Variants in FAM227B observed in about 807,000 individuals in gnomAD.
FAM227B encodes the protein family with sequence similarity 227 member B.
FAM227B carries 88 observed loss-of-function variants against 73.8 expected under a neutral mutation model. The ratio of observed to expected loss-of-function variants is 1.19; its 90% CI spans 1.00 to 1.42. The LOEUF (loss-of-function observed/expected upper bound fraction) is 1.42. Ranked by LOEUF, FAM227B falls within the 40% of genes most tolerant of loss-of-function variation. The pLI is 0.00. For synonymous variants in FAM227B, 210 were observed against 190.5 expected, an observed-to-expected ratio of 1.10 and a Z score of -0.84; for missense variants, 632 against 590.9, an observed-to-expected ratio of 1.07 and a Z score of -0.72.
At chr15:49,350,184 T>C (rs1174621762) in intron 13 of FAM227B, among the ~76,000 whole-genome samples, 3 of 152,200 alleles carry the variant, frequency 2.0e-5, no homozygotes, top group African/African-American at 7.2e-5. Flanking sequence ...TCTGTGACAA[T>C]GGAAATGTCT....
At chr15:49,369,707 T>C (rs2045675743) in intron 12 of FAM227B, among the ~76,000 whole-genome samples, 1 of 152,138 alleles carries the variant, frequency 6.6e-6, no homozygotes, top group Non-Finnish European at 1.5e-5. Flanking sequence ...GCCTGGAAAA[T>C]TTTTCATCTT....
At chr15:49,419,475 A>T (rs1229269484) in intron 11 of FAM227B, among the ~76,000 whole-genome samples, 2 of 152,200 alleles carry the variant, frequency 1.3e-5, no homozygotes, top group Non-Finnish European at 2.9e-5. Context: ...AAATATGAAG[A>T]ACAGAAAAAA....
chr15:49,492,116 T>C (rs879427401), intron 11 of FAM227B, among the ~76,000 whole-genome samples: 3 of 151,900 alleles, frequency 2.0e-5, no homozygotes, highest in Non-Finnish European at 4.4e-5. Flanking sequence ...AAAAATAACT[T>C]ATTTAACAAA....
chr15:49,403,991 A>C (rs779507206), intron 11 of FAM227B, among the ~76,000 whole-genome samples: 1 of 152,008 alleles, frequency 6.6e-6, no homozygotes, highest in South Asian at 2.1e-4. Flanking sequence ...AGAACTTCTT[A>C]ATTTCTTCCT....
intron 11 of FAM227B, among the ~76,000 whole-genome samples, chr15:49,398,330 G>C (rs1220264174): frequency 3.4e-5 from 5 of 147,236 alleles, no homozygotes; most frequent in Non-Finnish European, 7.6e-5. Flanking sequence ...CAATACAGGA[G>C]CACCAAGATT....
At chr15:49,482,742 G>A (rs2056062688) in intron 11 of FAM227B, among the ~76,000 whole-genome samples, 1 of 152,040 alleles carries the variant, frequency 6.6e-6, no homozygotes, top group Non-Finnish European at 1.5e-5. Context: ...GGGATAACAA[G>A]ACTACCTGTC....
At chr15:49,612,781 G>C (rs2078028195) in intron 2 of FAM227B, among the ~76,000 whole-genome samples, 1 of 152,040 alleles carries the variant, frequency 6.6e-6, no homozygotes, top group African/African-American at 2.4e-5. Context: ...ACAAGTTCAT[G>C]TTTTAGAAAA....
chr15:49,545,884 T>A (rs1210840346), intron 9 of FAM227B, among the ~76,000 whole-genome samples: 1 of 151,948 alleles, frequency 6.6e-6, no homozygotes, highest in Non-Finnish European at 1.5e-5. Context: ...TTTCTTAAAT[T>A]TATTGAGACT....
chr15:49,512,396 A>C (rs907568505), intron 10 of FAM227B, among the ~76,000 whole-genome samples: 1 of 151,700 alleles, frequency 6.6e-6, no homozygotes, highest in Non-Finnish European at 1.5e-5. Context: ...CCTAGGTTTC[A>C]TTTTTTTGCT....
At chr15:49,397,604 T>A (rs1047093025) in intron 11 of FAM227B, among the ~76,000 whole-genome samples, 4 of 151,992 alleles carry the variant, frequency 2.6e-5, no homozygotes, top group Non-Finnish European at 5.9e-5. Flanking sequence ...GAGAGAAAGG[T>A]CGGGTCACCC....
At chr15:49,571,138 T>G (rs1481293034) in intron 8 of FAM227B, among the ~76,000 whole-genome samples, 1 of 151,720 alleles carries the variant, frequency 6.6e-6, no homozygotes, top group African/African-American at 2.4e-5. Context: ...TCAGTTTTTT[T>G]GTGGAAACTT....
chr15:49,587,109 AG>A (rs2076212756), intron 5 of FAM227B, among the ~76,000 whole-genome samples: 1 of 152,212 alleles, frequency 6.6e-6, no homozygotes, highest in African/African-American at 2.4e-5. Flanking sequence ...GACTGCATAA[AG>A]AAAATGTGGT....
chr15:49,460,010 C>T (rs1281829536), intron 11 of FAM227B, among the ~76,000 whole-genome samples: 3 of 152,118 alleles, frequency 2.0e-5, no homozygotes, highest in African/African-American at 7.2e-5. Flanking sequence ...CCACAGCTAT[C>T]ACTTTCTTCC....
intron 3 of FAM227B, 34 bp from the exon 4 acceptor site, chr15:49,590,041 A>C: frequency 9.2e-7 from 1 of 1,087,050 alleles, no homozygotes; most frequent in Non-Finnish European, 1.4e-6. Flanking sequence ...ATATAGCTTA[A>C]GTCATTTTTA....
At chr15:49,353,279 G>C (rs557041701) in intron 13 of FAM227B, among the ~76,000 whole-genome samples, 2 of 152,222 alleles carry the variant, frequency 1.3e-5, no homozygotes, top group South Asian at 4.1e-4. Flanking sequence ...TACTGCTGAA[G>C]AGTCCTCTTC....
At chr15:49,355,828 G>A (rs1390590532) in intron 13 of FAM227B, among the ~76,000 whole-genome samples, 1 of 152,008 alleles carries the variant, frequency 6.6e-6, no homozygotes, top group Non-Finnish European at 1.5e-5. Flanking sequence ...AAATGTTAAG[G>A]GCAGCTAGAG....
chr15:49,603,968 T>C (rs1288535036), intron 3 of FAM227B, among the ~76,000 whole-genome samples: 1 of 152,206 alleles, frequency 6.6e-6, no homozygotes, highest in Non-Finnish European at 1.5e-5. Flanking sequence ...GATTTGTGTA[T>C]GTTGAACCAT....
Position 49,335,609 on chromosome 15 carries a change from A to G in FAM227B, c.1272-113T>C, listed in dbSNP as rs1028759265. 3.2e-5 allele frequency: 21 copies of G among 666,262 alleles called. 1 individual carries two copies. The South Asian group carries it at 4.0e-4, about 13-fold the overall frequency. 41.3% of individuals were successfully genotyped at this position (666,262 alleles called of 1,614,324 possible). A position where few individuals can be genotyped will look rare whatever the true frequency, so the allele number is the denominator to read the frequency against. ...TGTGACCTTCACTTTTCAGTAATGAAGAGTCTCAAGTATAAACATGAATAT... is the reference window on the plus strand; with the variant it reads ...TGTGACCTTCACTTTTCAGTAATGAGGAGTCTCAAGTATAAACATGAATAT... On this transcript the variant is annotated intron_variant, in intron 13 of 15. Transcript: ENST00000299338.
intron 11 of FAM227B, among the ~76,000 whole-genome samples, chr15:49,420,141 A>G (rs1313032688): frequency 6.6e-6 from 1 of 152,152 alleles, no homozygotes; most frequent in Non-Finnish European, 1.5e-5. Context: ...CTTTTTTTTA[A>G]TACCTTTTGT....
Sources: allele counts gnomAD v4.1 joint callset (sites outside exome capture counted in the v4.1 genomes callset), GRCh38; gene constraint gnomAD v4.1.1; transcripts MANE v1.5; gene names NCBI Gene and HGNC (gene_info 2026-07-23, HGNC 2026-07-21).